Variants in FBN2 observed in about 807,000 individuals in gnomAD.
FBN2 encodes the protein fibrillin 2, also known as fibrillin-2.
A neutral mutation model predicts 355.6 loss-of-function variants in FBN2; 105 were observed. That is an observed-to-expected ratio of 0.30 (90% CI 0.25 to 0.35). The LOEUF (loss-of-function observed/expected upper bound fraction) is 0.35. Among genes scored for constraint, FBN2 ranks in the 10% least tolerant of loss-of-function variants. The pLI is 1.00. For synonymous variants in FBN2, 1,350 were observed against 1,301.2 expected (o/e 1.04, Z -0.81); for missense variants, 3,280 against 3,758.7 (o/e 0.87, Z 3.33).
Position 128,395,260 on chromosome 5 carries a change from T to G in FBN2, c.1093A>C (p.Met365Leu). ...GSRCIDQRTGMCFSGLVNGRC... is the reference protein window; with the variant it reads ...GSRCIDQRTGLCFSGLVNGRC... ...CCATTCACCAGGCCCGAGAAACACA[T>G]GCCTGTTCTCTGATCTGTGCATGTA... Residue 365 changes from methionine (M) to leucine (L), a missense_variant, in exon 9 of 65, where the codon ATG (methionine) becomes CTG (leucine). Physicochemically the swap from Met to Leu is conservative, Grantham distance 15. Coordinates refer to ENST00000262464, the MANE Select transcript of FBN2 (RefSeq NM_001999.4). 6.2e-7 allele frequency: 1 copy of G among 1,614,152 alleles called. No individual in the cohort carries two copies. The highest frequency in any genetic ancestry group is 1.1e-5 in the South Asian group (1 of 91,074).
chr5:128,453,945 G>C (rs1239851661), intron 6 of FBN2, among the ~76,000 whole-genome samples: 1 of 151,940 alleles, frequency 6.6e-6, no homozygotes, highest in African/African-American at 2.4e-5. Flanking sequence ...CTCAAGGAGT[G>C]TCTCTGGGAT....
chr5:128,349,576 T>A (rs1191797787), intron 22 of FBN2, 104 bp from the exon 23 acceptor site: 3 of 1,306,268 alleles, frequency 2.3e-6, no homozygotes, highest in Non-Finnish European at 3.2e-6. Context: ...TTCAATACAA[T>A]GTGGATTATT....
intron 58 of FBN2, 21 bp from the exon 59 acceptor site, chr5:128,276,181 G>T: frequency 6.2e-7 from 1 of 1,612,048 alleles, no homozygotes; most frequent in Non-Finnish European, 8.5e-7. Context: ...GTGATGTGAA[G>T]ATTAAATTAC....
chr5:128,420,643 A>T (rs1400452207), intron 7 of FBN2, among the ~76,000 whole-genome samples: 1 of 152,234 alleles, frequency 6.6e-6, no homozygotes, highest in Non-Finnish European at 1.5e-5. Context: ...ATGGCCATAA[A>T]TGGGTATATC....
chr5:128,515,727 A>G (rs989443884), intron 5 of FBN2, among the ~76,000 whole-genome samples: 1 of 152,182 alleles, frequency 6.6e-6, no homozygotes, highest in African/African-American at 2.4e-5. Flanking sequence ...CAGATTAACA[A>G]AAGTCATTTT....
chr5:128,460,842 T>C (rs1022854966), intron 6 of FBN2, among the ~76,000 whole-genome samples: 1 of 152,098 alleles, frequency 6.6e-6, no homozygotes, highest in Non-Finnish European at 1.5e-5. Context: ...CCTTACACCT[T>C]ATACAAAAAT....
At chr5:128,396,494 T>C (rs1752653706) in intron 8 of FBN2, among the ~76,000 whole-genome samples, 1 of 152,118 alleles carries the variant, frequency 6.6e-6, no homozygotes, top group Non-Finnish European at 1.5e-5. Context: ...AGGAGTGCTA[T>C]GGTAAAGAGT....
intron 28 of FBN2, 117 bp from the exon 29 acceptor site, chr5:128,335,694 G>A: frequency 8.2e-7 from 1 of 1,221,694 alleles, no homozygotes; most frequent in South Asian, 1.2e-5. Context: ...TATGTGTGTT[G>A]ATTGAACATT....
intron 48 of FBN2, among the ~76,000 whole-genome samples, chr5:128,300,144 C>T (rs1169642843): frequency 6.6e-6 from 1 of 152,186 alleles, no homozygotes; most frequent in Non-Finnish European, 1.5e-5. Flanking sequence ...AGAAAATATC[C>T]TTAGCATCTT....
intron 7 of FBN2, among the ~76,000 whole-genome samples, chr5:128,436,224 G>C (rs1034785413): frequency 6.6e-6 from 1 of 152,158 alleles, no homozygotes; most frequent in African/African-American, 2.4e-5. Context: ...TCAGCTCTGA[G>C]CTGCTGTTTG....
chr5:128,349,221 CTAAATAT>C, intron 23 of FBN2, 119 bp downstream of exon 23: 1 of 1,093,406 alleles, frequency 9.1e-7, no homozygotes, highest in Admixed American at 1.8e-5. Context: ...TGATTTCCCC[CTAAATAT>C]CTCATTTAAA....
chr5:128,315,330 T>C (rs985778345), intron 36 of FBN2, among the ~76,000 whole-genome samples: 5 of 152,218 alleles, frequency 3.3e-5, no homozygotes, highest in African/African-American at 9.6e-5. Flanking sequence ...ATCTTCTGAA[T>C]GCAACTAATT....
At chr5:128,446,092 T>A (rs1754057066) in intron 7 of FBN2, 1 of 183,694 alleles carries the variant, frequency 5.4e-6, no homozygotes, top group Non-Finnish European at 1.2e-5. Flanking sequence ...TATGACACGG[T>A]GCCAACTACT....
At chr5:128,435,704 C>A (rs1753752856) in intron 7 of FBN2, among the ~76,000 whole-genome samples, 1 of 152,064 alleles carries the variant, frequency 6.6e-6, no homozygotes, top group Admixed American at 6.6e-5. Context: ...TCATTTTTCT[C>A]TATAATTTTC....
intron 62 of FBN2, among the ~76,000 whole-genome samples, chr5:128,269,438 G>A (rs142285823): frequency 8.0e-4 from 121 of 150,482 alleles, no homozygotes; most frequent in African/African-American, 2.8e-3. Flanking sequence ...CGGCCTGGGC[G>A]ACAGAGTGAG....
intron 2 of FBN2, among the ~76,000 whole-genome samples, chr5:128,535,438 C>T (rs150033582): frequency 2.9e-4 from 44 of 152,282 alleles, no homozygotes; most frequent in African/African-American, 1.0e-3. Context: ...CCCTGGAGAA[C>T]ATGGAGGTCA....
chr5:128,408,543 A>G, intron 8 of FBN2, 131 bp downstream of exon 8: 1 of 1,054,004 alleles, frequency 9.5e-7, no homozygotes, highest in Middle Eastern at 2.0e-4. Flanking sequence ...CAATACTGGT[A>G]CCGTTTACAT....
intron 8 of FBN2, among the ~76,000 whole-genome samples, chr5:128,404,899 T>A (rs1581267749): frequency 6.6e-6 from 1 of 152,090 alleles, no homozygotes; most frequent in South Asian, 2.1e-4. Context: ...TGGCCAGAGG[T>A]CATGGCTCAT....
At chr5:128,451,391 ATTG>A (rs1231532149) in intron 6 of FBN2, among the ~76,000 whole-genome samples, 1 of 152,064 alleles carries the variant, frequency 6.6e-6, no homozygotes, top group African/African-American at 2.4e-5. Flanking sequence ...CATTATTATT[ATTG>A]TTATTATTAT....
Sources: allele counts gnomAD v4.1 joint callset (sites outside exome capture counted in the v4.1 genomes callset), GRCh38; gene constraint gnomAD v4.1.1; transcripts MANE v1.5; gene names NCBI Gene and HGNC (gene_info 2026-07-23, HGNC 2026-07-21).